Variants in AP3D1 observed in about 807,000 individuals in gnomAD.
The protein encoded by AP3D1 is adaptor related protein complex 3 subunit delta 1, also known as AP-3 complex subunit delta-1.
In AP3D1, 51 loss-of-function variants were observed where a neutral mutation model predicts 147.6. The observed-to-expected ratio is 0.35, with a 90% CI of 0.28 to 0.44. AP3D1 has a LOEUF of 0.44. AP3D1 is among the 20% of genes least tolerant of loss of function. The pLI, the probability that AP3D1 is intolerant of heterozygous loss-of-function variation, is 1.00. For missense variants in AP3D1, 1,421 were observed against 1,624.2 expected, an observed-to-expected ratio of 0.87 and a Z score of 2.15; for synonymous variants, 760 against 663.0, an observed-to-expected ratio of 1.15 and a Z score of -2.25.
chr19:2,145,462 T>C (rs1358680775), intron 1 of AP3D1, among the ~76,000 whole-genome samples: 1 of 152,192 alleles, frequency 6.6e-6, no homozygotes, highest in African/African-American at 2.4e-5. Context: ...GCAGCATCTG[T>C]GGTTGCCACG....
Position 2,129,330 on chromosome 19 carries a change from C to T in AP3D1, c.720G>A (p.Lys240=), listed in dbSNP as rs752367649. The change falls in exon 7 of 32, where the codon AAG becomes AAA. Residue 240 remains lysine, a synonymous_variant. Transcript: ENST00000643116. ...GGGCAGTACTTGCCAGCTTGATGAT[C>T]TTGATGAGGACCCAGTTGTTGGTGG... is the stretch of plus-strand genomic sequence containing the variant. ...TSSTNNWVLI[K]IIKLFGALTP... 1 of 1,613,998 alleles carries T rather than the reference C, an allele frequency of 6.2e-7. No individual in the cohort carries two copies. Among genetic ancestry groups the T allele is most frequent in the Non-Finnish European group, 8.5e-7 (1 of 1,180,018 alleles).
At position 2,125,217 on chromosome 19, in the gene AP3D1, T is replaced by C. The variant is rs1160723728; in HGVS notation, c.857-1338A>G. Among the ~76,000 whole-genome samples the C allele has an allele frequency of 2.0e-5, 3 of 152,196 alleles. No homozygotes were observed. In the East Asian group the frequency reaches 5.8e-4, roughly 29 times the overall value. ...CAGAAAGTCTACATATAAATGTAAA[T>C]ACGAACGAAGAAATGTGGCAAAATA... is the stretch of plus-strand genomic sequence containing the variant. On this transcript the variant is annotated intron_variant, in intron 9 of 31. Transcript: ENST00000643116.
At chr19:2,124,429 G>A (rs931564311) in intron 9 of AP3D1, among the ~76,000 whole-genome samples, 4 of 152,200 alleles carry the variant, frequency 2.6e-5, no homozygotes, top group Non-Finnish European at 4.4e-5. Flanking sequence ...GGCAGGCAGC[G>A]AGAAGCCGAC....
intron 1 of AP3D1, among the ~76,000 whole-genome samples, chr19:2,159,699 T>A (rs1399808163): frequency 6.9e-6 from 1 of 145,006 alleles, no homozygotes. Context: ...CCTAGCTAAT[T>A]TTTGTATTTT....
intron 4 of AP3D1, 37 bp downstream of exon 4, chr19:2,136,974 A>C: frequency 6.5e-7 from 1 of 1,541,226 alleles, no homozygotes; most frequent in Non-Finnish European, 8.8e-7. Flanking sequence ...GGCAGACTGC[A>C]CTCAGCACAG....
chr19:2,151,011 G>A (rs1350851011), intron 1 of AP3D1, among the ~76,000 whole-genome samples: 2 of 152,282 alleles, frequency 1.3e-5, no homozygotes, highest in Non-Finnish European at 2.9e-5. Flanking sequence ...GAGGATCCGA[G>A]ATGTGCTGCT....
chr19:2,155,324 G>A (rs540174842), upstream of AP3D1, among the ~76,000 whole-genome samples: 14 of 151,794 alleles, frequency 9.2e-5, 1 homozygote, highest in African/African-American at 3.4e-4. Flanking sequence ...TTGCGCCACT[G>A]CACTCCAGCC....
Position 2,151,288 on chromosome 19 carries a change from T to C in AP3D1, c.47A>G (p.Lys16Arg), listed in dbSNP as rs1190784050. Residue 16 changes from lysine to arginine, a missense_variant, in exon 1 of 32, where the codon AAG (lysine) becomes AGG (arginine). Transcript: ENST00000643116. ...VKGSIDRMFD[K>R]NLQDLVRGIR... ...GCCGCGGACCAAGTCCTGCAGATTC[T>C]TGTCGAACATGCGGTCGATGCTGCC... 3 of 1,611,812 alleles carry C rather than the reference T, an allele frequency of 1.9e-6. No homozygotes were observed. Among genetic ancestry groups the C allele is most frequent in the South Asian group, 2.2e-5 (2 of 90,916 alleles).
chr19:2,117,176 C>G (rs1481382960), intron 16 of AP3D1, 46 bp downstream of exon 16: 1 of 1,537,098 alleles, frequency 6.5e-7, no homozygotes. Flanking sequence ...CATCAAGGGA[C>G]CATGTCAGGG....
In AP3D1 at chr19:2,124,299, G is replaced by A. The variant is rs192891592; in HGVS notation, c.857-420C>T. On this transcript the variant is annotated intron_variant, in intron 9 of 31. Transcript: ENST00000643116. ...TTATCATCACAGCTCACTGCTGGGGGATGAAGCACATCCGGCAGGACTCCA... is the reference window on the plus strand; with the variant it reads ...TTATCATCACAGCTCACTGCTGGGGAATGAAGCACATCCGGCAGGACTCCA... Among the ~76,000 whole-genome samples, 9 of 152,352 alleles carry A rather than the reference G, an allele frequency of 5.9e-5. No homozygotes were observed. In the East Asian group the frequency reaches 1.7e-3, roughly 29 times the overall value.
intron 5 of AP3D1, among the ~76,000 whole-genome samples, chr19:2,130,932 G>T (rs1568297146): frequency 6.6e-6 from 1 of 152,254 alleles, no homozygotes; most frequent in South Asian, 2.1e-4. Flanking sequence ...ACAGGCCCAG[G>T]GAGTCGCCTC....
chr19:2,112,193 C>A (rs958795950), intron 24 of AP3D1: 5 of 268,156 alleles, frequency 1.9e-5, no homozygotes, highest in Admixed American at 9.7e-5. Flanking sequence ...ATGTTCAAAG[C>A]GGCATACTGT....
intron 5 of AP3D1, 65 bp downstream of exon 5, chr19:2,132,406 G>T: frequency 6.9e-7 from 1 of 1,451,634 alleles, no homozygotes; most frequent in Non-Finnish European, 9.6e-7. Flanking sequence ...TCCCAGGCAT[G>T]CCACTTTGAC....
chr19:2,148,692 C>A (rs1482421815), intron 1 of AP3D1, among the ~76,000 whole-genome samples: 1 of 152,146 alleles, frequency 6.6e-6, no homozygotes, highest in South Asian at 2.1e-4. Flanking sequence ...AGATGGGCCG[C>A]CCCATGAAGT....
intron 5 of AP3D1, among the ~76,000 whole-genome samples, chr19:2,131,503 GAGGGGA>G: frequency 8.3e-6 from 1 of 120,498 alleles, no homozygotes; most frequent in Non-Finnish European, 1.8e-5. Context: ...AGGCAGCCAC[GAGGGGA>G]CAGGGCCCAT....
At chr19:2,115,155 G>T in intron 20 of AP3D1, 64 bp downstream of exon 20, 1 of 1,515,990 alleles carries the variant, frequency 6.6e-7, no homozygotes, top group Non-Finnish European at 9.0e-7. Context: ...ACTGTGCATG[G>T]CCCCAGGACA....
At chr19:2,134,475 G>A (rs960972374) in intron 4 of AP3D1, among the ~76,000 whole-genome samples, 2 of 151,050 alleles carry the variant, frequency 1.3e-5, no homozygotes, top group Non-Finnish European at 2.9e-5. Context: ...GGTGGCTCAC[G>A]CCTTTAATTC....
chr19:2,163,186 A>G (rs1163210953), intron 1 of AP3D1, among the ~76,000 whole-genome samples: 3 of 151,922 alleles, frequency 2.0e-5, no homozygotes, highest in Admixed American at 6.6e-5. Context: ...CGATTCTCCT[A>G]CCTCAGCCCC....
chr19:2,132,689 G>A (rs1191631697), intron 4 of AP3D1, 111 bp from the exon 5 acceptor site: 7 of 832,860 alleles, frequency 8.4e-6, no homozygotes, highest in African/African-American at 1.7e-5. Context: ...CCCAGGACTC[G>A]GCATATCCTC....
Sources: gnomAD v4.1 joint callset for allele counts (sites outside exome capture counted in the v4.1 genomes callset) on GRCh38, gnomAD v4.1.1 for gene constraint, MANE v1.5 for transcripts, NCBI Gene and HGNC (gene_info 2026-07-23, HGNC 2026-07-21) for gene names.